The following GRIP1 variants were observed in gnomAD, a reference collection of about 807,000 sequenced individuals.
GRIP1 encodes the protein glutamate receptor interacting protein 1, also known as glutamate receptor-interacting protein 1.
In GRIP1, 45 loss-of-function variants were observed where a neutral mutation model predicts 129.9. The ratio of observed to expected loss-of-function variants is 0.35; its 90% CI spans 0.27 to 0.44. The LOEUF (loss-of-function observed/expected upper bound fraction) is 0.44. Among genes scored for constraint, GRIP1 ranks in the 20% least tolerant of loss-of-function variants. The pLI, the probability that GRIP1 is intolerant of heterozygous loss-of-function variation, is 1.00. For missense variants in GRIP1, 1,196 were observed against 1,396.8 expected (o/e 0.86, Z 2.29); for synonymous variants, 530 against 520.8 (o/e 1.02, Z -0.24).
intron 1 of GRIP1, among the ~76,000 whole-genome samples, chr12:66,874,635 A>G (rs1235807810): frequency 1.3e-5 from 2 of 152,082 alleles, no homozygotes; most frequent in Admixed American, 1.3e-4. Flanking sequence ...TGGCCGGAGC[A>G]GAAGGAAGAG....
At chr12:66,757,372 T>C (rs1442446686) in intron 1 of GRIP1, among the ~76,000 whole-genome samples, 1 of 152,204 alleles carries the variant, frequency 6.6e-6, no homozygotes, top group African/African-American at 2.4e-5. Flanking sequence ...CTTAACATAA[T>C]GACCTTCAGT....
chr12:66,545,797 T>C (rs1592525007), intron 2 of GRIP1, among the ~76,000 whole-genome samples: 1 of 152,218 alleles, frequency 6.6e-6, no homozygotes, highest in African/African-American at 2.4e-5. Flanking sequence ...TATATCTATA[T>C]AGTAGCAATG....
intron 1 of GRIP1, among the ~76,000 whole-genome samples, chr12:67,028,697 GAAGT>G (rs2042975219): frequency 6.6e-6 from 1 of 152,106 alleles, no homozygotes; most frequent in South Asian, 2.1e-4. Flanking sequence ...AATGATTTAA[GAAGT>G]AATAGATCTC....
chr12:66,398,146 T>G (rs1414358928), intron 16 of GRIP1, among the ~76,000 whole-genome samples: 1 of 152,204 alleles, frequency 6.6e-6, no homozygotes, highest in Non-Finnish European at 1.5e-5. Flanking sequence ...GTTTTCCTGC[T>G]TGGGATCCAG....
At chr12:66,698,428 C>A (rs2035238600) in intron 1 of GRIP1, among the ~76,000 whole-genome samples, 1 of 152,186 alleles carries the variant, frequency 6.6e-6, no homozygotes, top group Admixed American at 6.5e-5. Flanking sequence ...TTCATTTGCA[C>A]ACAGGATGTA....
upstream of GRIP1, among the ~76,000 whole-genome samples, chr12:66,807,681 C>T (rs573803693): frequency 9.9e-5 from 15 of 151,960 alleles, no homozygotes; most frequent in East Asian, 2.0e-3. Flanking sequence ...GGCACCTTCC[C>T]CCTCTCTCTC....
At chr12:66,691,612 C>T (rs776789015) in intron 1 of GRIP1, among the ~76,000 whole-genome samples, 28 of 152,138 alleles carry the variant, frequency 1.8e-4, no homozygotes, top group African/African-American at 5.8e-4. Context: ...CTCATTCTTC[C>T]GAAAGTTTGG....
At chr12:66,504,933 T>TGG (rs2060487805) in intron 7 of GRIP1, among the ~76,000 whole-genome samples, 1 of 152,220 alleles carries the variant, frequency 6.6e-6, no homozygotes, top group Non-Finnish European at 1.5e-5. Context: ...TGGTTAGACT[T>TGG]CCAACTACTG....
chr12:66,916,806 A>T (rs897067107), intron 1 of GRIP1, among the ~76,000 whole-genome samples: 1 of 152,158 alleles, frequency 6.6e-6, no homozygotes, highest in Admixed American at 6.5e-5. Flanking sequence ...AATTTCTTGT[A>T]TTATACTCTT....
rs190640172 is a variant in GRIP1 at position 66,979,474 on chromosome 12, G to A, written c.58+89576C>T. Among the ~76,000 whole-genome samples the A allele has an allele frequency of 1.7e-3, 260 of 152,016 alleles. 1 individual carries two copies. The highest frequency in any genetic ancestry group is 2.5e-3 in the East Asian group (13 of 5,142). On this transcript the variant is annotated intron_variant, in intron 1 of 1. Transcript: ENST00000643019. The stretch of plus-strand genomic sequence containing the variant: ...CTACAGCTGCTGTCTTCACGAACCC[G>A]TCAAAACACCTCTCAACCCCTCTGA...
intron 1 of GRIP1, among the ~76,000 whole-genome samples, chr12:66,746,103 G>A (rs1194011475): frequency 2.0e-5 from 3 of 152,170 alleles, no homozygotes; most frequent in African/African-American, 7.2e-5. Context: ...GGCAGAATTT[G>A]CTGGCTGCCA....
At position 66,548,801 on chromosome 12, in the gene GRIP1, T is replaced by C. The variant is rs553309355; in HGVS notation, c.137-6851A>G. On this transcript the variant is annotated intron_variant, in intron 2 of 24. Transcript: ENST00000359742. ...TTTGTGTTGCTGCGGGTGATTGGAG[T>C]GGGGCAGGCACACTATATAATGTCA... Among the ~76,000 whole-genome samples, 3 of 152,060 alleles carry C rather than the reference T, an allele frequency of 2.0e-5. No homozygotes were observed. The East Asian group carries it at 5.8e-4, about 29-fold the overall frequency.
At chr12:66,742,356 T>C (rs1173411560) in intron 1 of GRIP1, among the ~76,000 whole-genome samples, 1 of 152,124 alleles carries the variant, frequency 6.6e-6, no homozygotes, top group African/African-American at 2.4e-5. Flanking sequence ...CAAACAGAAA[T>C]ATTTGCTTGT....
chr12:66,378,764 A>G (rs2055944111), intron 20 of GRIP1, among the ~76,000 whole-genome samples: 1 of 152,036 alleles, frequency 6.6e-6, no homozygotes, highest in African/African-American at 2.4e-5. Context: ...AATAAAAAAT[A>G]AAAGTAATAC....
intron 1 of GRIP1, among the ~76,000 whole-genome samples, chr12:66,898,890 T>C (rs1273657543): frequency 6.6e-6 from 1 of 152,168 alleles, no homozygotes; most frequent in Non-Finnish European, 1.5e-5. Context: ...ATTGAGTTGT[T>C]GAACAGGAAA....
chr12:66,963,012 TTAA>T (rs1447186159), intron 1 of GRIP1, among the ~76,000 whole-genome samples: 2 of 152,148 alleles, frequency 1.3e-5, no homozygotes, highest in African/African-American at 4.8e-5. Context: ...ATAATCAAAC[TTAA>T]TAATGAATGT....
chr12:66,572,732 T>C (rs574643011), intron 2 of GRIP1, among the ~76,000 whole-genome samples: 1 of 152,292 alleles, frequency 6.6e-6, no homozygotes, highest in African/African-American at 2.4e-5. Flanking sequence ...AGTAATGGTC[T>C]GAATACCCCC....
intron 1 of GRIP1, among the ~76,000 whole-genome samples, chr12:66,745,932 G>A (rs948109433): frequency 6.6e-6 from 1 of 152,130 alleles, no homozygotes; most frequent in African/African-American, 2.4e-5. Flanking sequence ...AGAGATGGGT[G>A]GTACTTTGGC....
At chr12:66,959,137 C>T (rs2041886350) in intron 1 of GRIP1, among the ~76,000 whole-genome samples, 1 of 152,004 alleles carries the variant, frequency 6.6e-6, no homozygotes, top group African/African-American at 2.4e-5. Context: ...TGTAAGAGTG[C>T]CTGTATATCA....
Sources: allele counts gnomAD v4.1 joint callset (sites outside exome capture counted in the v4.1 genomes callset), GRCh38; gene constraint gnomAD v4.1.1; transcripts MANE v1.5; gene names NCBI Gene and HGNC (gene_info 2026-07-23, HGNC 2026-07-21).